MSI2: variants seen among roughly 807,000 people sequenced by gnomAD.
MSI2 encodes the protein musashi RNA binding protein 2.
MSI2 carries 17 observed loss-of-function variants against 45.6 expected under a neutral mutation model. The observed-to-expected ratio is 0.37, with a 90% CI of 0.26 to 0.56. MSI2 has a LOEUF of 0.56. MSI2 is among the 20% of genes least tolerant of loss of function. The probability of loss-of-function intolerance (pLI) is 0.77; values close to 1 mark genes in which losing one functional copy is unlikely to be tolerated. For missense variants in MSI2, 293 were observed against 444.2 expected, an observed-to-expected ratio of 0.66 and a Z score of 3.06; for synonymous variants, 156 against 158.2, an observed-to-expected ratio of 0.99 and a Z score of 0.11.
chr17:57,576,239 A>C (rs1162412055), intron 7 of MSI2, among the ~76,000 whole-genome samples: 1 of 152,240 alleles, frequency 6.6e-6, no homozygotes, highest in African/African-American at 2.4e-5. Context: ...GCTCAGGCTC[A>C]ACAACTCTAT....
intron 6 of MSI2, among the ~76,000 whole-genome samples, chr17:57,517,392 G>A (rs140985312): frequency 6.6e-6 from 1 of 152,290 alleles, no homozygotes; most frequent in East Asian, 1.9e-4. Flanking sequence ...ATTCTGCCTT[G>A]TGCCAGAATT....
At chr17:57,388,489 A>G (rs1294439635) in intron 5 of MSI2, among the ~76,000 whole-genome samples, 1 of 152,144 alleles carries the variant, frequency 6.6e-6, no homozygotes, top group Non-Finnish European at 1.5e-5. Flanking sequence ...ATAGCTGGGC[A>G]AGAAGGGACC....
At chr17:57,612,700 A>G (rs914877770) in intron 8 of MSI2, among the ~76,000 whole-genome samples, 1 of 152,158 alleles carries the variant, frequency 6.6e-6, no homozygotes, top group Admixed American at 6.5e-5. Flanking sequence ...GTTTGTTTAA[A>G]ACACTCCCAT....
intron 6 of MSI2, among the ~76,000 whole-genome samples, chr17:57,405,559 A>G (rs1319318443): frequency 1.3e-5 from 2 of 152,254 alleles, no homozygotes; most frequent in Non-Finnish European, 2.9e-5. Flanking sequence ...TAAGCATGGT[A>G]TATAATCAGC....
chr17:57,576,525 G>A (rs1255911615), intron 7 of MSI2, among the ~76,000 whole-genome samples: 1 of 152,182 alleles, frequency 6.6e-6, no homozygotes, highest in African/African-American at 2.4e-5. Flanking sequence ...GGAGGCCGAG[G>A]CAGGTGGATC....
Position 57,652,270 on chromosome 17 carries a change from C to A in MSI2, c.790+109C>A. ...CTGCATCTGTCCAACACCACTCTCA[C>A]CACAGCCCCGGGGAGGGGGTGGACG... On this transcript the variant is annotated intron_variant, in intron 11 of 13. Transcript: ENST00000284073. This position sits in a 1 kb window ranked among gnomAD's most constrained non-coding sequence, Gnocchi z 4.1. 2 of 1,149,552 alleles carry A rather than the reference C, an allele frequency of 1.7e-6. No homozygotes were observed. The highest frequency in any genetic ancestry group is 2.5e-6 in the Non-Finnish European group (2 of 785,470). The allele number at this position is 1,149,552 out of a possible 1,614,324, so 71.2% of individuals were successfully genotyped here.
At chr17:57,336,790 G>A (rs1202730767) in intron 5 of MSI2, among the ~76,000 whole-genome samples, 3 of 152,114 alleles carry the variant, frequency 2.0e-5, no homozygotes, top group Non-Finnish European at 2.9e-5. Context: ...GCCTACTGCC[G>A]CGTAACAAAT....
chr17:57,367,007 G>A (rs1917244460), intron 5 of MSI2, among the ~76,000 whole-genome samples: 1 of 152,222 alleles, frequency 6.6e-6, no homozygotes, highest in Non-Finnish European at 1.5e-5. Flanking sequence ...CGTCAGGGCT[G>A]TGGCTGTCAG....
At chr17:57,649,987 C>A (rs1598491843) in intron 10 of MSI2, among the ~76,000 whole-genome samples, 1 of 152,310 alleles carries the variant, frequency 6.6e-6, no homozygotes, top group East Asian at 1.9e-4. Flanking sequence ...CTTCTCACAC[C>A]CTCCCTCTCC....
chr17:57,497,449 G>C (rs1185331177), intron 6 of MSI2, among the ~76,000 whole-genome samples: 1 of 152,236 alleles, frequency 6.6e-6, no homozygotes, highest in East Asian at 1.9e-4. Flanking sequence ...AAGGTGCTGG[G>C]TGTAGTCTTC....
chr17:57,505,557 A>G (rs10083834), intron 6 of MSI2, among the ~76,000 whole-genome samples: 53,920 of 152,128 alleles, frequency 0.35, 10,076 homozygotes, highest in Non-Finnish European at 0.43. Flanking sequence ...ATATGCAGGT[A>G]TTCCTTGCTT....
chr17:57,439,024 A>AC (rs1021617831), intron 6 of MSI2, among the ~76,000 whole-genome samples: 1 of 151,448 alleles, frequency 6.6e-6, no homozygotes, highest in Non-Finnish European at 1.5e-5. Context: ...CTGGTCTCAA[A>AC]CTCCTGACCT....
At chr17:57,560,457 C>T (rs1249608875) in intron 7 of MSI2, among the ~76,000 whole-genome samples, 1 of 152,150 alleles carries the variant, frequency 6.6e-6, no homozygotes, top group Non-Finnish European at 1.5e-5. Flanking sequence ...TTTCAAAACT[C>T]TTCTCTCTGC....
At chr17:57,293,602 T>TTTG (rs776551464) in intron 5 of MSI2, among the ~76,000 whole-genome samples, 10 of 147,608 alleles carry the variant, frequency 6.8e-5, no homozygotes, top group South Asian at 2.2e-4. Flanking sequence ...TTTGTTTTTT[T>TTTG]TTTTGTTTTT....
intron 6 of MSI2, among the ~76,000 whole-genome samples, chr17:57,412,185 G>A (rs1277296698): frequency 1.3e-5 from 2 of 151,716 alleles, no homozygotes; most frequent in Non-Finnish European, 2.9e-5. Flanking sequence ...TTACAGGCGT[G>A]TGCCACCACG....
At chr17:57,648,430 C>T (rs1164751196) in intron 10 of MSI2, among the ~76,000 whole-genome samples, 1 of 152,200 alleles carries the variant, frequency 6.6e-6, no homozygotes, top group Non-Finnish European at 1.5e-5. Flanking sequence ...AGCATAAGCA[C>T]CTTGCCCAAA....
chr17:57,546,575 C>T (rs376270517), intron 7 of MSI2, among the ~76,000 whole-genome samples: 2 of 152,176 alleles, frequency 1.3e-5, no homozygotes, highest in Non-Finnish European at 2.9e-5. Flanking sequence ...CAAGAATGCC[C>T]TTGGAAGGCT....
chr17:57,341,601 T>C (rs796941599), intron 5 of MSI2, among the ~76,000 whole-genome samples: 12 of 152,332 alleles, frequency 7.9e-5, no homozygotes, highest in African/African-American at 2.9e-4. Flanking sequence ...GCTGAGAACA[T>C]GACTTTTTGG....
At chr17:57,334,845 A>C (rs1914568569) in intron 5 of MSI2, among the ~76,000 whole-genome samples, 1 of 152,044 alleles carries the variant, frequency 6.6e-6, no homozygotes, top group Admixed American at 6.6e-5. Context: ...CAATGGACTG[A>C]GATGGAGGAA....
Sources: allele counts gnomAD v4.1 joint callset (sites outside exome capture counted in the v4.1 genomes callset), GRCh38; gene constraint gnomAD v4.1.1; non-coding constraint Gnocchi (gnomAD v3.1); transcripts MANE v1.5; gene names NCBI Gene and HGNC (gene_info 2026-07-23, HGNC 2026-07-21).